PIGK: variants seen among roughly 807,000 people sequenced by gnomAD.
The protein encoded by PIGK is phosphatidylinositol glycan anchor biosynthesis class K.
A neutral mutation model predicts 50.6 loss-of-function variants in PIGK; 42 were observed. The ratio of observed to expected loss-of-function variants is 0.83; its 90% CI spans 0.65 to 1.07. The LOEUF (loss-of-function observed/expected upper bound fraction) is 1.07, where lower values mean the gene tolerates loss of function less well. Among genes scored for constraint, PIGK ranks in the 50% least tolerant of loss-of-function variants. The pLI is 0.00. For synonymous variants in PIGK, 151 were observed against 156.0 expected (o/e 0.97, Z 0.24); for missense variants, 448 against 488.7 (o/e 0.92, Z 0.78).
intron 3 of PIGK, among the ~76,000 whole-genome samples, chr1:77,185,232 G>T (rs888188335): frequency 2.0e-5 from 3 of 152,092 alleles, no homozygotes; most frequent in Non-Finnish European, 4.4e-5. Flanking sequence ...CTGCCTCAGG[G>T]GTATATCAAC....
At chr1:77,154,422 A>G in intron 9 of PIGK, 27 bp downstream of exon 9, 1 of 1,536,654 alleles carries the variant, frequency 6.5e-7, no homozygotes, top group Non-Finnish European at 9.0e-7. Context: ...CTAGTATTCT[A>G]TTCAAATAAT....
chr1:77,181,850 C>CAAA (rs1289585132), intron 3 of PIGK, among the ~76,000 whole-genome samples: 9 of 152,252 alleles, frequency 5.9e-5, no homozygotes, highest in African/African-American at 2.2e-4. Context: ...TTTGGTTTTT[C>CAAA]TTCCTCCTCC....
rs1212417492 is a variant in PIGK at position 77,116,558 on chromosome 1, G to GTC, written c.1071+5715_1071+5716dup. Among the ~76,000 whole-genome samples the GTC allele has an allele frequency of 3.7e-4, 41 of 111,806 alleles. No homozygotes were observed. In the East Asian group the frequency reaches 1.0e-2, roughly 27 times the overall value. The allele number at this position is 111,806 out of a possible 152,430, so 73.3% of individuals were successfully genotyped here. A position where few individuals can be genotyped will look rare whatever the true frequency, so the allele number is the denominator to read the frequency against. On this transcript the variant is annotated intron_variant, in intron 10 of 10. Transcript: ENST00000370812. Reference sequence around the variant, plus strand: ...GTTTCTAAACAAGCTGTTTAAATGTGTCTCTGTGTGTGTGTGTGTGTGTGT... The same window carrying GTC: ...GTTTCTAAACAAGCTGTTTAAATGTGTCTCTCTGTGTGTGTGTGTGTGTGTGT...
At chr1:77,214,213 C>G (rs1280388010) in intron 1 of PIGK, among the ~76,000 whole-genome samples, 1 of 151,934 alleles carries the variant, frequency 6.6e-6, no homozygotes, top group Non-Finnish European at 1.5e-5. Flanking sequence ...AACCAGAAAA[C>G]AAGCATACAA....
At chr1:77,218,145 G>A (rs551985552) in intron 1 of PIGK, among the ~76,000 whole-genome samples, 1 of 152,268 alleles carries the variant, frequency 6.6e-6, no homozygotes, top group African/African-American at 2.4e-5. Flanking sequence ...CCCAGGTGGT[G>A]GGGAGAAGAG....
intron 1 of PIGK, among the ~76,000 whole-genome samples, chr1:77,215,948 G>C (rs1721152): frequency 1.3e-5 from 2 of 152,046 alleles, no homozygotes; most frequent in Non-Finnish European, 2.9e-5. Flanking sequence ...AAGGTGACGG[G>C]GGGAGTACAG....
chr1:77,216,620 G>A (rs1406779249), intron 1 of PIGK, among the ~76,000 whole-genome samples: 1 of 151,890 alleles, frequency 6.6e-6, no homozygotes, highest in Admixed American at 6.6e-5. Flanking sequence ...GTGTGTGTGT[G>A]GCATGTGTGT....
chr1:77,200,348 GA>G (rs1364328040), intron 3 of PIGK, among the ~76,000 whole-genome samples: 2 of 151,848 alleles, frequency 1.3e-5, no homozygotes, highest in East Asian at 1.9e-4. Flanking sequence ...ATAAAAATAT[GA>G]AAAAAGTAAG....
intron 1 of PIGK, among the ~76,000 whole-genome samples, chr1:77,218,083 G>C (rs1360471318): frequency 1.3e-5 from 2 of 152,052 alleles, no homozygotes; most frequent in Admixed American, 1.3e-4. Context: ...TTTTTTAACT[G>C]ATAGGGTGTG....
At chr1:77,183,340 C>G (rs1037318809) in intron 3 of PIGK, among the ~76,000 whole-genome samples, 2 of 152,202 alleles carry the variant, frequency 1.3e-5, no homozygotes, top group African/African-American at 4.8e-5. Context: ...CTGCCATAAG[C>G]CTTTCCACCT....
chr1:77,183,621 T>C (rs1294037377), intron 3 of PIGK, among the ~76,000 whole-genome samples: 1 of 152,140 alleles, frequency 6.6e-6, no homozygotes, highest in Non-Finnish European at 1.5e-5. Flanking sequence ...ATTAAGGGTG[T>C]GGGATAATGG....
At chr1:77,164,788 C>G (rs1017124940) in intron 5 of PIGK, among the ~76,000 whole-genome samples, 1 of 151,900 alleles carries the variant, frequency 6.6e-6, no homozygotes, top group Non-Finnish European at 1.5e-5. Context: ...CATACAGCAA[C>G]CTTGAATATC....
intron 9 of PIGK, among the ~76,000 whole-genome samples, chr1:77,135,878 C>G (rs1381932937): frequency 6.6e-6 from 1 of 151,426 alleles, no homozygotes; most frequent in African/African-American, 2.4e-5. Context: ...TACATTAATA[C>G]TTTGGTTTAT....
At chr1:77,207,521 A>C (rs1656316322) in intron 2 of PIGK, among the ~76,000 whole-genome samples, 2 of 152,210 alleles carry the variant, frequency 1.3e-5, no homozygotes. Context: ...AATGTACATA[A>C]GAGAGTGCAT....
chr1:77,215,306 C>A (rs1656527993), intron 1 of PIGK, among the ~76,000 whole-genome samples: 1 of 152,038 alleles, frequency 6.6e-6, no homozygotes, highest in Non-Finnish European at 1.5e-5. Flanking sequence ...AAATGGCCCA[C>A]AAGTGTATGA....
intron 3 of PIGK, chr1:77,195,195 G>A: frequency 8.4e-7 from 1 of 1,190,080 alleles, no homozygotes; most frequent in Non-Finnish European, 1.2e-6. Context: ...TCTTAACCGT[G>A]GGCGATGAGA....
intron 2 of PIGK, among the ~76,000 whole-genome samples, chr1:77,207,034 G>A (rs1656304163): frequency 6.6e-6 from 1 of 152,134 alleles, no homozygotes; most frequent in East Asian, 1.9e-4. Flanking sequence ...AGGTGTGGTG[G>A]CGTGCACCTG....
chr1:77,129,052 C>G, intron 9 of PIGK: 1 of 793,790 alleles, frequency 1.3e-6, no homozygotes, highest in East Asian at 2.4e-5. Flanking sequence ...CTATGACCTA[C>G]AAATGCTTTA....
intron 3 of PIGK, among the ~76,000 whole-genome samples, chr1:77,182,671 T>A (rs1331342838): frequency 6.6e-6 from 1 of 152,202 alleles, no homozygotes; most frequent in Non-Finnish European, 1.5e-5. Context: ...ATATTAAGGA[T>A]GGAGTTCTTT....
Sources: gnomAD v4.1 joint callset for allele counts (sites outside exome capture counted in the v4.1 genomes callset) on GRCh38, gnomAD v4.1.1 for gene constraint, MANE v1.5 for transcripts, NCBI Gene and HGNC (gene_info 2026-07-23, HGNC 2026-07-21) for gene names.